HCN1: variants seen among roughly 807,000 people sequenced by gnomAD.
HCN1 encodes the protein potassium/sodium hyperpolarization-activated cyclic nucleotide-gated channel 1.
A neutral mutation model predicts 78.9 loss-of-function variants in HCN1; 13 were observed. The observed-to-expected ratio is 0.16, with a 90% CI of 0.11 to 0.26. HCN1 has a LOEUF of 0.26. Among genes scored for constraint, HCN1 ranks in the 10% least tolerant of loss-of-function variants. The probability of loss-of-function intolerance (pLI) is 1.00; values close to 1 mark genes in which losing one functional copy is unlikely to be tolerated. For synonymous variants in HCN1, 552 were observed against 455.5 expected (o/e 1.21, Z -2.70); for missense variants, 810 against 1,154.3 (o/e 0.70, Z 4.32).
chr5:45,634,490 AAG>A (rs1427450350), intron 2 of HCN1, among the ~76,000 whole-genome samples: 2 of 152,050 alleles, frequency 1.3e-5, no homozygotes, highest in African/African-American at 4.8e-5. Context: ...CCTAGCAGTC[AAG>A]AGAGTGAATG....
At chr5:45,526,992 G>T (rs1217589445) in intron 2 of HCN1, among the ~76,000 whole-genome samples, 3 of 138,942 alleles carry the variant, frequency 2.2e-5, no homozygotes, top group African/African-American at 8.1e-5. Flanking sequence ...TCGTCTATCA[G>T]AAATCTTTCC....
At chr5:45,442,881 G>C (rs1740706768) in intron 3 of HCN1, among the ~76,000 whole-genome samples, 1 of 152,058 alleles carries the variant, frequency 6.6e-6, no homozygotes, top group Non-Finnish European at 1.5e-5. Context: ...GATTAGGCTA[G>C]AGAATATTTG....
intron 5 of HCN1, among the ~76,000 whole-genome samples, chr5:45,330,259 G>T (rs1579815826): frequency 1.3e-5 from 2 of 151,116 alleles, no homozygotes; most frequent in Non-Finnish European, 3.0e-5. Context: ...TAAATATTTG[G>T]GGAGTTATTA....
At chr5:45,503,394 GA>G (rs1742229810) in intron 2 of HCN1, among the ~76,000 whole-genome samples, 1 of 152,038 alleles carries the variant, frequency 6.6e-6, no homozygotes, top group African/African-American at 2.4e-5. Flanking sequence ...GGGAAGAAGA[GA>G]AAAAGAAAGA....
At chr5:45,584,051 G>C (rs1394777982) in intron 2 of HCN1, among the ~76,000 whole-genome samples, 4 of 152,138 alleles carry the variant, frequency 2.6e-5, no homozygotes, top group East Asian at 1.9e-4. Flanking sequence ...AGGTCCGCTT[G>C]CTGCAGAGCT....
At chr5:45,344,109 G>A (rs1177628756) in intron 5 of HCN1, among the ~76,000 whole-genome samples, 2 of 152,082 alleles carry the variant, frequency 1.3e-5, no homozygotes, top group Admixed American at 1.3e-4. Context: ...AAGCAAACAT[G>A]TCCTTCTTCA....
chr5:45,556,433 T>C (rs1477131174), intron 2 of HCN1, among the ~76,000 whole-genome samples: 6 of 151,970 alleles, frequency 3.9e-5, no homozygotes, highest in African/African-American at 1.2e-4. Flanking sequence ...TAACTTGAAG[T>C]CCTTTTCTAA....
chr5:45,531,768 G>A (rs552435601), intron 2 of HCN1, among the ~76,000 whole-genome samples: 3 of 151,974 alleles, frequency 2.0e-5, no homozygotes, highest in East Asian at 3.9e-4. Flanking sequence ...GGCTTGGCAC[G>A]GTGGCTCACA....
intron 2 of HCN1, among the ~76,000 whole-genome samples, chr5:45,505,625 T>A (rs1185056457): frequency 1.3e-5 from 2 of 152,142 alleles, no homozygotes; most frequent in Non-Finnish European, 2.9e-5. Context: ...ATTATAACAT[T>A]CTATTTTTGA....
At chr5:45,351,886 G>A (rs1232810384) in intron 5 of HCN1, among the ~76,000 whole-genome samples, 2 of 152,088 alleles carry the variant, frequency 1.3e-5, no homozygotes, top group Non-Finnish European at 2.9e-5. Context: ...AACAGGTACT[G>A]GAGAGGATGT....
At chr5:45,388,521 T>A (rs528807902) in intron 4 of HCN1, among the ~76,000 whole-genome samples, 3 of 152,072 alleles carry the variant, frequency 2.0e-5, no homozygotes, top group Admixed American at 1.3e-4. Context: ...GCATCTGAGA[T>A]CTTGTTGGAA....
At chr5:45,526,805 G>A (rs1026080413) in intron 2 of HCN1, among the ~76,000 whole-genome samples, 1 of 151,910 alleles carries the variant, frequency 6.6e-6, no homozygotes, top group African/African-American at 2.4e-5. Flanking sequence ...TGTAATCCTT[G>A]CTTTAGGTTC....
chr5:45,633,080 A>G lies in HCN1; in HGVS notation c.849+12105T>C, dbSNP rs564191366. Among the ~76,000 whole-genome samples, 5 of 152,064 alleles carry G rather than the reference A, an allele frequency of 3.3e-5. No individual in the cohort carries two copies. In the East Asian group the frequency reaches 9.6e-4, roughly 29 times the overall value. ...CATACTACAAGAAAAAGAGAGAGAG[A>G]GGAACTAGGTTCACTTTTTGTTAAG... is the stretch of plus-strand genomic sequence containing the variant. On this transcript the variant is annotated intron_variant, in intron 2 of 7. Coordinates refer to ENST00000303230, the MANE Select transcript of HCN1 (RefSeq NM_021072.4).
intron 5 of HCN1, among the ~76,000 whole-genome samples, chr5:45,342,376 C>T (rs1746601638): frequency 1.3e-5 from 2 of 150,600 alleles, no homozygotes; most frequent in Admixed American, 1.3e-4. Flanking sequence ...ATTACAGGTG[C>T]ATGCCACTAC....
At chr5:45,628,876 G>A (rs1745220174) in intron 2 of HCN1, among the ~76,000 whole-genome samples, 1 of 151,848 alleles carries the variant, frequency 6.6e-6, no homozygotes, top group Non-Finnish European at 1.5e-5. Context: ...GGCTGAGGCA[G>A]GGGAATCACT....
chr5:45,309,902 C>T (rs1280795837), intron 5 of HCN1, among the ~76,000 whole-genome samples: 3 of 152,116 alleles, frequency 2.0e-5, no homozygotes, highest in African/African-American at 7.2e-5. Flanking sequence ...GGAGGACTCC[C>T]TCCTTTTCGA....
At position 45,262,257 on chromosome 5, in the gene HCN1, C is replaced by G; in HGVS notation, c.2337G>C (p.Leu779=). 1 of 1,614,008 alleles carries G rather than the reference C, an allele frequency of 6.2e-7. No homozygotes were observed. The change falls in exon 8 of 8, where the codon CTG becomes CTC. Residue 779 remains leucine (L), a synonymous_variant. Transcript: ENST00000303230. ...CGGAGAGTGGCCTGACTTCCCGGGT[C>G]AGGTTGGTGTTGTGAAGCGCCTGCG... ...KSTQALHNTN[L]TREVRPLSAS...
At chr5:45,668,617 C>A (rs1387487979) in intron 1 of HCN1, among the ~76,000 whole-genome samples, 1 of 151,872 alleles carries the variant, frequency 6.6e-6, no homozygotes, top group East Asian at 1.9e-4. Flanking sequence ...ACTACAGATA[C>A]ATATTACTGA....
intron 1 of HCN1, among the ~76,000 whole-genome samples, chr5:45,689,965 A>G (rs1421347446): frequency 6.6e-6 from 1 of 152,096 alleles, no homozygotes; most frequent in Non-Finnish European, 1.5e-5. Context: ...TGTAAACTGG[A>G]GGCAGTATTA....
Sources: gnomAD v4.1 joint callset for allele counts (sites outside exome capture counted in the v4.1 genomes callset) on GRCh38, gnomAD v4.1.1 for gene constraint, MANE v1.5 for transcripts, NCBI Gene and HGNC (gene_info 2026-07-23, HGNC 2026-07-21) for gene names.